Variants in RBFOX2 observed in about 807,000 individuals in gnomAD.
RBFOX2 encodes RNA binding fox-1 homolog 2.
Under a neutral mutation model 49.1 loss-of-function variants are expected in RBFOX2, and 10 were observed. The ratio of observed to expected loss-of-function variants is 0.20; its 90% CI spans 0.13 to 0.35. RBFOX2 has a LOEUF of 0.35. RBFOX2 is among the 10% of genes least tolerant of loss of function. The probability of loss-of-function intolerance (pLI) is 1.00; values close to 1 mark genes in which losing one functional copy is unlikely to be tolerated. For synonymous variants in RBFOX2, 183 were observed against 187.4 expected, an observed-to-expected ratio of 0.98 and a Z score of 0.19; for missense variants, 323 against 486.9, an observed-to-expected ratio of 0.66 and a Z score of 3.17.
intron 4 of RBFOX2, among the ~76,000 whole-genome samples, chr22:35,774,208 T>C (rs1393135088): frequency 1.3e-5 from 2 of 152,014 alleles, no homozygotes; most frequent in African/African-American, 2.4e-5. Flanking sequence ...TTATTAATAA[T>C]TATGCTAAGA....
chr22:35,973,939 A>C (rs2057012493), intron 1 of RBFOX2, among the ~76,000 whole-genome samples: 1 of 152,160 alleles, frequency 6.6e-6, no homozygotes, highest in South Asian at 2.1e-4. Context: ...AAGACTTCAA[A>C]CACATTCGGA....
intron 1 of RBFOX2, among the ~76,000 whole-genome samples, chr22:35,869,578 C>A (rs981839737): frequency 6.7e-6 from 1 of 149,630 alleles, no homozygotes; most frequent in African/African-American, 2.4e-5. Flanking sequence ...CCCACTTCAG[C>A]TTCTGAAAGT....
chr22:35,953,302 C>G (rs1038847900), intron 1 of RBFOX2, among the ~76,000 whole-genome samples: 1 of 149,076 alleles, frequency 6.7e-6, no homozygotes, highest in African/African-American at 2.5e-5. Flanking sequence ...TATATACACA[C>G]AAAGGAATAT....
chr22:35,953,393 A>G (rs999069231), intron 1 of RBFOX2, among the ~76,000 whole-genome samples: 15 of 152,300 alleles, frequency 9.8e-5, no homozygotes, highest in African/African-American at 3.4e-4. Context: ...ACTAAGTGAA[A>G]GAAGCCAGAC....
At chr22:35,752,797 C>T (rs1935428427) in intron 9 of RBFOX2, 1 of 271,604 alleles carries the variant, frequency 3.7e-6, no homozygotes, top group Non-Finnish European at 5.6e-6. Context: ...GATTTAGGAG[C>T]AGTTTGTTAA....
intron 1 of RBFOX2, among the ~76,000 whole-genome samples, chr22:35,854,212 C>CTAATGA (rs1556096009): frequency 6.6e-6 from 1 of 150,876 alleles, no homozygotes; most frequent in Non-Finnish European, 1.5e-5. Context: ...AACTCTGTCT[C>CTAATGA]TAATAATAAT....
rs958970642 is a variant in RBFOX2, at chr22:35,759,035, C to G, written c.887+853G>C. Among the ~76,000 whole-genome samples, 1 of 152,124 alleles carries G rather than the reference C, an allele frequency of 6.6e-6. No homozygotes were observed. Among genetic ancestry groups the G allele is most frequent in the African/African-American group, 2.4e-5 (1 of 41,408 alleles). Reference sequence around the variant, plus strand: ...GCAGAGAAAAGGTGAAGAGAAATGTCACATCTTTGATGAGGAAGTCCTTGG... The same window carrying G: ...GCAGAGAAAAGGTGAAGAGAAATGTGACATCTTTGATGAGGAAGTCCTTGG... On this transcript the variant is annotated intron_variant, in intron 9 of 11. Transcript: ENST00000405409. This position sits in a 1 kb window ranked among gnomAD's most constrained non-coding sequence, Gnocchi z 4.6.
chr22:35,911,129 G>A (rs991484046), intron 1 of RBFOX2, among the ~76,000 whole-genome samples: 1 of 152,024 alleles, frequency 6.6e-6, no homozygotes, highest in East Asian at 1.9e-4. Context: ...ATGACCTCCC[G>A]GGACTTCTCT....
chr22:35,886,391 T>A (rs544906035), intron 1 of RBFOX2, among the ~76,000 whole-genome samples: 1 of 152,226 alleles, frequency 6.6e-6, no homozygotes, highest in Non-Finnish European at 1.5e-5. Flanking sequence ...AGGAATGTAA[T>A]GCTTTCAACT....
intron 1 of RBFOX2, among the ~76,000 whole-genome samples, chr22:35,982,973 C>A (rs539276942): frequency 1.3e-5 from 2 of 152,280 alleles, no homozygotes; most frequent in South Asian, 4.1e-4. Flanking sequence ...ACCCTCTCCC[C>A]TTAGCCTCTT....
chr22:35,775,705 G>T (rs954313762), intron 4 of RBFOX2, among the ~76,000 whole-genome samples: 1 of 151,802 alleles, frequency 6.6e-6, no homozygotes, highest in South Asian at 2.1e-4. Flanking sequence ...GCTAGGGGTG[G>T]TAGTGTGCGC....
At chr22:35,756,686 T>G (rs1162413527) in intron 9 of RBFOX2, among the ~76,000 whole-genome samples, 14 of 152,150 alleles carry the variant, frequency 9.2e-5, no homozygotes, top group Admixed American at 2.6e-4. Flanking sequence ...ATGTAAATGT[T>G]TTTCTGATAT....
chr22:35,850,181 GTCTC>G (rs965007393), intron 1 of RBFOX2, among the ~76,000 whole-genome samples: 1 of 86,598 alleles, frequency 1.2e-5, no homozygotes, highest in African/African-American at 4.6e-5. Flanking sequence ...CGCATTCTCT[GTCTC>G]TCTCTCATAC....
At chr22:35,956,795 C>A (rs1254183920) in intron 1 of RBFOX2, among the ~76,000 whole-genome samples, 1 of 152,196 alleles carries the variant, frequency 6.6e-6, no homozygotes, top group Non-Finnish European at 1.5e-5. Context: ...AACTGTCATA[C>A]TTAGTATGCA....
chr22:35,852,586 T>A (rs1422026614), intron 1 of RBFOX2, among the ~76,000 whole-genome samples: 1 of 152,130 alleles, frequency 6.6e-6, no homozygotes, highest in African/African-American at 2.4e-5. Flanking sequence ...TTCCTCCCTG[T>A]ACACTTCTGT....
intron 1 of RBFOX2, among the ~76,000 whole-genome samples, chr22:35,949,804 T>G (rs988077111): frequency 6.6e-6 from 1 of 152,240 alleles, no homozygotes; most frequent in Non-Finnish European, 1.5e-5. Context: ...TTTATATATT[T>G]TGGATATTAA....
chr22:35,792,331 A>G (rs557471754), intron 2 of RBFOX2, among the ~76,000 whole-genome samples: 18 of 96,886 alleles, frequency 1.9e-4, no homozygotes, highest in Non-Finnish European at 3.4e-4. Context: ...AAAAAAAAAA[A>G]AAAGAAAAGA....
exon 12 of RBFOX2, chr22:35,742,611 C>T (rs533620877): frequency 6.5e-6 from 1 of 152,740 alleles, no homozygotes; most frequent in East Asian, 1.9e-4. Context: ...GCCAAAAAGA[C>T]CGTGCTTTTC....
At chr22:35,869,223 C>T (rs953791147) in intron 1 of RBFOX2, among the ~76,000 whole-genome samples, 3 of 151,972 alleles carry the variant, frequency 2.0e-5, no homozygotes, top group Non-Finnish European at 4.4e-5. Context: ...TGTTGTGGTG[C>T]GATCTCGGCT....
Sources: gnomAD v4.1 joint callset for allele counts (sites outside exome capture counted in the v4.1 genomes callset) on GRCh38, gnomAD v4.1.1 for gene constraint, Gnocchi (gnomAD v3.1) non-coding constraint, MANE v1.5 for transcripts, NCBI Gene and HGNC (gene_info 2026-07-23, HGNC 2026-07-21) for gene names.